Variants in NPAS3 observed in about 807,000 individuals in gnomAD.
NPAS3 encodes the protein neuronal PAS domain protein 3.
NPAS3 carries 14 observed loss-of-function variants against 73.1 expected under a neutral mutation model. The ratio of observed to expected loss-of-function variants is 0.19; its 90% confidence interval spans 0.13 to 0.30. The LOEUF (loss-of-function observed/expected upper bound fraction) is 0.30, where lower values mean the gene tolerates loss of function less well. Among genes scored for constraint, NPAS3 ranks in the 10% least tolerant of loss-of-function variants. The pLI, the probability that NPAS3 is intolerant of heterozygous loss-of-function variation, is 1.00. For synonymous variants in NPAS3, 620 were observed against 541.5 expected, an observed-to-expected ratio of 1.14 and a Z score of -2.01; for missense variants, 1,096 against 1,250.0, an observed-to-expected ratio of 0.88 and a Z score of 1.86.
chr14:33,261,832 T>C (rs1312896123), intron 3 of NPAS3, among the ~76,000 whole-genome samples: 2 of 152,134 alleles, frequency 1.3e-5, no homozygotes, highest in African/African-American at 4.8e-5. Flanking sequence ...TGTGAGGAAA[T>C]AGAGGTGGTA....
At chr14:33,393,649 T>C (rs1446469142) in intron 4 of NPAS3, among the ~76,000 whole-genome samples, 1 of 152,168 alleles carries the variant, frequency 6.6e-6, no homozygotes, top group Non-Finnish European at 1.5e-5. Flanking sequence ...TAGAGATTAC[T>C]GTGTTATAAA....
chr14:33,596,802 G>A (rs1240053022), intron 5 of NPAS3, among the ~76,000 whole-genome samples: 1 of 152,184 alleles, frequency 6.6e-6, no homozygotes, highest in African/African-American at 2.4e-5. Flanking sequence ...ATATTCCTTA[G>A]AAATCTTCCA....
chr14:33,323,865 G>C (rs150677087), intron 3 of NPAS3, among the ~76,000 whole-genome samples: 2 of 152,302 alleles, frequency 1.3e-5, no homozygotes, highest in East Asian at 3.9e-4. Flanking sequence ...CTCAAGACAG[G>C]CAGGTAGCCT....
At chr14:33,324,792 G>T (rs2043616571) in intron 3 of NPAS3, among the ~76,000 whole-genome samples, 1 of 152,134 alleles carries the variant, frequency 6.6e-6, no homozygotes. Context: ...GTTTTTGTGT[G>T]TGTGTGTGCT....
chr14:33,464,583 C>T (rs1184834322), intron 4 of NPAS3, among the ~76,000 whole-genome samples: 1 of 152,188 alleles, frequency 6.6e-6, no homozygotes, highest in African/African-American at 2.4e-5. Context: ...CCCTCTGATT[C>T]CTGGGATCTT....
intron 2 of NPAS3, among the ~76,000 whole-genome samples, chr14:33,169,107 C>T (rs1354286880): frequency 6.6e-6 from 1 of 152,184 alleles, no homozygotes; most frequent in Non-Finnish European, 1.5e-5. Flanking sequence ...TATTGATGAC[C>T]TGGATTTTCA....
At chr14:33,482,899 T>A (rs2051399445) in intron 4 of NPAS3, among the ~76,000 whole-genome samples, 1 of 152,224 alleles carries the variant, frequency 6.6e-6, no homozygotes, top group Admixed American at 6.5e-5. Context: ...TAAACATTTT[T>A]AAATATGCTA....
chr14:33,735,708 C>A (rs147945102), intron 7 of NPAS3, among the ~76,000 whole-genome samples: 225 of 152,162 alleles, frequency 1.5e-3, no homozygotes, highest in African/African-American at 4.9e-3. Flanking sequence ...CTTTCCCCTT[C>A]AAATTCTCCC....
chr14:33,637,118 A>T (rs2058543440), intron 5 of NPAS3, among the ~76,000 whole-genome samples: 1 of 152,178 alleles, frequency 6.6e-6, no homozygotes, highest in Non-Finnish European at 1.5e-5. Flanking sequence ...CTATTTTTTA[A>T]ATGTTTTCTT....
intron 4 of NPAS3, among the ~76,000 whole-genome samples, chr14:33,395,984 T>C (rs764841437): frequency 2.0e-5 from 3 of 152,134 alleles, no homozygotes; most frequent in Non-Finnish European, 4.4e-5. Context: ...AGTATCTTTG[T>C]CTCTCTTAAG....
At chr14:33,368,590 G>C (rs2045944026) in intron 4 of NPAS3, among the ~76,000 whole-genome samples, 1 of 151,996 alleles carries the variant, frequency 6.6e-6, no homozygotes, top group Admixed American at 6.6e-5. Context: ...TTACATTTTT[G>C]TTTATTCTTA....
chr14:33,572,695 C>T (rs1414392470), intron 5 of NPAS3, among the ~76,000 whole-genome samples: 1 of 152,128 alleles, frequency 6.6e-6, no homozygotes, highest in East Asian at 1.9e-4. Context: ...GAAACTGAGA[C>T]ATGGTACAAT....
At chr14:33,157,439 G>T (rs2044688739) in intron 2 of NPAS3, among the ~76,000 whole-genome samples, 1 of 152,134 alleles carries the variant, frequency 6.6e-6, no homozygotes, top group South Asian at 2.1e-4. Context: ...CTTGGATGAA[G>T]AAATTTTTAC....
At chr14:33,331,913 C>A (rs1402945738) in intron 3 of NPAS3, among the ~76,000 whole-genome samples, 6 of 152,162 alleles carry the variant, frequency 3.9e-5, no homozygotes, top group Non-Finnish European at 1.5e-5. Flanking sequence ...ATATCGGATT[C>A]CCTGACCTAT....
chr14:33,425,212 G>A (rs1304311265), intron 4 of NPAS3, among the ~76,000 whole-genome samples: 1 of 152,020 alleles, frequency 6.6e-6, no homozygotes, highest in Admixed American at 6.6e-5. Flanking sequence ...AGTATGCAAG[G>A]CATATTGAAA....
chr14:33,138,646 A>G (rs1221385536), intron 2 of NPAS3, among the ~76,000 whole-genome samples: 2 of 152,188 alleles, frequency 1.3e-5, no homozygotes, highest in Admixed American at 1.3e-4. Flanking sequence ...TTTTCCATCA[A>G]TTCCAAATCT....
chr14:33,238,557 T>C (rs1480711958), intron 3 of NPAS3, among the ~76,000 whole-genome samples: 1 of 152,010 alleles, frequency 6.6e-6, no homozygotes, highest in Non-Finnish European at 1.5e-5. Flanking sequence ...TGACCTAGTA[T>C]AATGTTTTAT....
chr14:33,556,936 A>G (rs1481358374), intron 4 of NPAS3, among the ~76,000 whole-genome samples: 1 of 152,228 alleles, frequency 6.6e-6, no homozygotes, highest in East Asian at 1.9e-4. Context: ...ATTTGAGAAG[A>G]TGACTTACAC....
At chr14:33,162,901 T>C (rs1239659416) in intron 2 of NPAS3, among the ~76,000 whole-genome samples, 1 of 152,212 alleles carries the variant, frequency 6.6e-6, no homozygotes, top group South Asian at 2.1e-4. Context: ...TCGGTAGACT[T>C]TGGACAATCT....
Sources: allele counts gnomAD v4.1 joint callset (sites outside exome capture counted in the v4.1 genomes callset), GRCh38; gene constraint gnomAD v4.1.1; transcripts MANE v1.5; gene names NCBI Gene and HGNC (gene_info 2026-07-23, HGNC 2026-07-21).